Variants in BACE1 observed in about 807,000 individuals in gnomAD.
The protein encoded by BACE1 is APP beta-secretase.
BACE1 carries 21 observed loss-of-function variants against 54.0 expected under a neutral mutation model. The observed-to-expected ratio is 0.39, with a 90% confidence interval of 0.28 to 0.56. The LOEUF (loss-of-function observed/expected upper bound fraction) is 0.56. BACE1 is among the 20% of genes least tolerant of loss of function. BACE1 has a pLI of 0.63. For synonymous variants in BACE1, 232 were observed against 260.9 expected (o/e 0.89, Z 1.07); for missense variants, 511 against 661.2 (o/e 0.77, Z 2.49).
rs575422515 is a variant in BACE1, at chr11:117,306,375, T to C, written c.261+9160A>G. Among the ~76,000 whole-genome samples, 6 of 152,308 alleles carry C rather than the reference T, an allele frequency of 3.9e-5. No homozygotes were observed. The East Asian group carries it at 1.2e-3, about 29-fold the overall frequency. On this transcript the variant is annotated intron_variant, in intron 1 of 8. Transcript: ENST00000313005. ...TACAGTGGCTTGAATCTTCTCTTGC[T>C]CTGTCCTCAGTTGAAAATGAAGCTG...
At chr11:117,295,013 A>G (rs1033003845) in intron 3 of BACE1, 118 bp downstream of exon 3, 2 of 1,079,900 alleles carry the variant, frequency 1.9e-6, no homozygotes, top group Non-Finnish European at 1.4e-6. Context: ...CCCCTGTTAA[A>G]TAATCCTTTA....
intron 7 of BACE1, 51 bp from the exon 8 acceptor site, chr11:117,290,710 C>T (rs896131824): frequency 1.3e-6 from 2 of 1,597,954 alleles, no homozygotes; most frequent in Admixed American, 1.7e-5. Flanking sequence ...TCCTTCACCC[C>T]ATCTCTGCCT....
chr11:117,293,887 G>A lies in BACE1; in HGVS notation c.689C>T (p.Ser230Phe). 1 of 1,613,488 alleles carries A rather than the reference G, an allele frequency of 6.2e-7. No homozygotes were observed. Among genetic ancestry groups the A allele is most frequent in the Non-Finnish European group, 8.5e-7 (1 of 1,179,808 alleles). ...FPLNQSEVLA[S>F]VGGSMIIGGI... Reference sequence around the variant, plus strand: ...CCTACTCACCATGCTCCCTCCGACAGAGGCCAGCACTTCAGACTGGTTGAG... The same window carrying A: ...CCTACTCACCATGCTCCCTCCGACAAAGGCCAGCACTTCAGACTGGTTGAG... The change falls in exon 4 of 9, where the codon TCT becomes TTT. Residue 230 changes from serine (S) to phenylalanine (F), a missense_variant. This residue lies in a region of BACE1 where 407 missense variants were observed against 565.7 expected (regional missense o/e 0.72). Transcript: ENST00000313005. This position sits in a 1 kb window ranked among gnomAD's most constrained non-coding sequence, Gnocchi z 4.1.
At chr11:117,303,031 G>T (rs2134476943) in intron 1 of BACE1, among the ~76,000 whole-genome samples, 1 of 152,292 alleles carries the variant, frequency 6.6e-6, no homozygotes, top group East Asian at 1.9e-4. Context: ...TTTCTTGAAT[G>T]AATGAATGGT....
chr11:117,291,120 A>G (rs575450410), intron 6 of BACE1, 71 bp from the exon 7 acceptor site: 1 of 1,542,446 alleles, frequency 6.5e-7, no homozygotes, highest in African/African-American at 1.4e-5. Flanking sequence ...ATGTTCAGAT[A>G]CATTAACTGG....
At chr11:117,292,882 G>A (rs778622826) in intron 5 of BACE1, 172 bp downstream of exon 5, 14 of 692,122 alleles carry the variant, frequency 2.0e-5, no homozygotes, top group East Asian at 3.1e-5. Context: ...GCCCCAAACC[G>A]CAGATCCTGC....
At chr11:117,311,564 C>T (rs962866900) in intron 1 of BACE1, among the ~76,000 whole-genome samples, 5 of 152,288 alleles carry the variant, frequency 3.3e-5, no homozygotes, top group South Asian at 2.1e-4. Context: ...GCCTCATGCC[C>T]TCCTTGTCAT....
chr11:117,315,555 C>T lies in BACE1; in HGVS notation c.241G>A (p.Val81Met). 6.3e-7 allele frequency: 1 copy of T among 1,586,950 alleles called. No homozygotes were observed. The highest frequency in any genetic ancestry group is 1.8e-5 in the Admixed American group (1 of 56,698). Reference sequence around the variant, plus strand: ...CTTACCGTCTGCGGGGGGCTGCCCACGGTCATCTCCACGTAGTAGCCCTGC... The same window carrying T: ...CTTACCGTCTGCGGGGGGCTGCCCATGGTCATCTCCACGTAGTAGCCCTGC... ...SGQGYYVEMTVGSPPQTLNIL... is the reference protein window; with the variant it reads ...SGQGYYVEMTMGSPPQTLNIL... The change falls in exon 1 of 9, where the codon GTG (valine) becomes ATG (methionine). Residue 81 changes from valine (V) to methionine (M), a missense_variant. Physicochemically the swap from Val to Met is conservative, Grantham distance 21 (BLOSUM62 1). Around this residue, in one of 2 missense-constraint regions of BACE1, gnomAD observed 407 missense variants for 565.7 expected, o/e 0.72. Transcript: ENST00000313005. The surrounding 1 kb of genome is among the most constrained non-coding windows in gnomAD (Gnocchi z 5.5).
chr11:117,295,428 A>G, intron 2 of BACE1, 81 bp from the exon 3 acceptor site: 2 of 1,554,960 alleles, frequency 1.3e-6, no homozygotes, highest in Non-Finnish European at 8.7e-7. Context: ...CCCAAACACC[A>G]CCTTATCTCA....
intron 1 of BACE1, among the ~76,000 whole-genome samples, chr11:117,307,997 C>T (rs2034868763): frequency 7.0e-6 from 1 of 141,928 alleles, no homozygotes; most frequent in African/African-American, 2.7e-5. Context: ...CAGAAGTCCA[C>T]TGTATAAAAA....
At chr11:117,314,537 G>A (rs1424530352) in intron 1 of BACE1, 1 of 152,414 alleles carries the variant, frequency 6.6e-6, no homozygotes, top group East Asian at 1.9e-4. Context: ...CAGATCCGGA[G>A]GTGGCTCACA....
At chr11:117,291,122 A>G (rs2034418187) in intron 6 of BACE1, 73 bp from the exon 7 acceptor site, 12 of 1,536,662 alleles carry the variant, frequency 7.8e-6, no homozygotes, top group Middle Eastern at 1.7e-4. Context: ...GTTCAGATAC[A>G]TTAACTGGGC....
At chr11:117,298,998 G>A (rs2034661771) in intron 1 of BACE1, among the ~76,000 whole-genome samples, 1 of 152,120 alleles carries the variant, frequency 6.6e-6, no homozygotes, top group Admixed American at 6.5e-5. Flanking sequence ...TAGAGACGAG[G>A]TTTCACCACG....
chr11:117,294,204 C>A, intron 3 of BACE1, 196 bp from the exon 4 acceptor site: 1 of 424,288 alleles, frequency 2.4e-6, no homozygotes. Context: ...TTGATAGGTT[C>A]ACAGATTCAT....
chr11:117,290,177 A>G lies in BACE1; in HGVS notation c.1264+311T>C, dbSNP rs2034378514. Reference sequence around the variant, plus strand: ...TTCTGAAGTAGCATTCAGCCTCACCATGTGGCAGCTGACAGGGTCACTATA... The same window carrying G: ...TTCTGAAGTAGCATTCAGCCTCACCGTGTGGCAGCTGACAGGGTCACTATA... On this transcript the variant is annotated intron_variant, in intron 8 of 8. Coordinates refer to ENST00000313005, the MANE Select transcript of BACE1 (RefSeq NM_012104.6). Among the ~76,000 whole-genome samples the G allele has an allele frequency of 1.3e-5, 2 of 152,172 alleles. 1 individual carries two copies. Among genetic ancestry groups the G allele is most frequent in the South Asian group, 4.1e-4 (2 of 4,824 alleles).
chr11:117,299,609 G>C, intron 1 of BACE1: 2 of 373,050 alleles, frequency 5.4e-6, no homozygotes, highest in Non-Finnish European at 1.1e-5. Context: ...CCCACTCCTG[G>C]CCTGGTTTCC....
rs376170366 is a variant in BACE1, at chr11:117,292,847, T to G, written c.840+207A>C. 4.1e-5 allele frequency: 22 copies of G among 532,302 alleles called. No individual in the cohort carries two copies. In the South Asian group the frequency reaches 5.9e-4, roughly 14 times the overall value. 33.0% of individuals were successfully genotyped at this position (532,302 alleles called of 1,614,324 possible). A position where few individuals can be genotyped will look rare whatever the true frequency, so the allele number is the denominator to read the frequency against. On this transcript the variant is annotated intron_variant, in intron 5 of 8. Coordinates refer to ENST00000313005, the MANE Select transcript of BACE1 (RefSeq NM_012104.6). ...CCAGACATCAGAACTAGTTCCATGT[T>G]TTTTTTTTCACTACCAGTCCCTAGG...
At chr11:117,295,624 C>G in intron 2 of BACE1, 1 of 1,533,216 alleles carries the variant, frequency 6.5e-7, no homozygotes, top group East Asian at 2.4e-5. Flanking sequence ...CAAGCCTGGG[C>G]TTTGTGCATT....
rs1330825505 is a variant in BACE1 at position 117,295,095 on chromosome 11, C to CACTATACACTGT, written c.567+35_567+36insACAGTGTATAGT. ...TTCCTTCTCTGTATAGTGCAGTGTG[C>CACTATACACTGT]ATAGAGTGTGTAGGGCCAAGCCCTG... On this transcript the variant is annotated intron_variant, in intron 3 of 8. Coordinates refer to ENST00000313005, the MANE Select transcript of BACE1 (RefSeq NM_012104.6). The CACTATACACTGT allele has an allele frequency of 3.2e-6, 5 of 1,563,672 alleles. No homozygotes were observed. The African/African-American group carries it at 6.8e-5, about 21-fold the overall frequency.
Sources: gnomAD v4.1 joint callset for allele counts (sites outside exome capture counted in the v4.1 genomes callset) on GRCh38, gnomAD v4.1.1 for gene constraint, gnomAD v4.1.1 regional missense constraint, Gnocchi (gnomAD v3.1) non-coding constraint, MANE v1.5 for transcripts, NCBI Gene and HGNC (gene_info 2026-07-23, HGNC 2026-07-21) for gene names.